The following CSMD2 variants were observed in gnomAD, a reference collection of about 807,000 sequenced individuals.
The protein encoded by CSMD2 is CUB and sushi domain-containing protein 2.
A neutral mutation model predicts 398.5 loss-of-function variants in CSMD2; 130 were observed. That is an observed-to-expected ratio of 0.33 (90% confidence interval 0.28 to 0.38). The LOEUF is 0.38. Among genes scored for constraint, CSMD2 ranks in the 10% least tolerant of loss-of-function variants. The pLI is 1.00. For missense variants in CSMD2, 3,829 were observed against 4,764.9 expected, an observed-to-expected ratio of 0.80 and a Z score of 5.78; for synonymous variants, 1,828 against 1,908.5, an observed-to-expected ratio of 0.96 and a Z score of 1.10.
At chr1:33,847,625 T>C (rs1638364462) in intron 5 of CSMD2, among the ~76,000 whole-genome samples, 1 of 152,122 alleles carries the variant, frequency 6.6e-6, no homozygotes, top group Non-Finnish European at 1.5e-5. Context: ...TCCTTTGTCT[T>C]CCTCTGTGAT....
Position 33,518,060 on chromosome 1 carries a change from T to C in CSMD2, c.*53+1405A>G, listed in dbSNP as rs1653922073. 6.6e-6 allele frequency among the ~76,000 whole-genome samples: 1 copy of C among 152,248 alleles called. No homozygotes were observed. Among genetic ancestry groups the C allele is most frequent in the South Asian group, 2.1e-4 (1 of 4,834 alleles). ...GGGAGCGCAACACTAGCCCTGGGTT[T>C]GGCTGGTGGCCCACTTGGCGGATTT... On this transcript the variant is annotated intron_variant, in intron 70 of 70. Transcript: ENST00000373381. This position sits in a 1 kb window ranked among gnomAD's most constrained non-coding sequence, Gnocchi z 4.3.
At chr1:33,550,060 G>C in intron 56 of CSMD2, 117 bp downstream of exon 56, 2 of 999,472 alleles carry the variant, frequency 2.0e-6, no homozygotes, top group Non-Finnish European at 3.0e-6. Flanking sequence ...TAGATATAAG[G>C]GTTCTGAGGT....
upstream of CSMD2, chr1:34,165,822 G>C (rs755983407): frequency 5.1e-6 from 8 of 1,578,348 alleles, no homozygotes; most frequent in Non-Finnish European, 6.0e-6. Flanking sequence ...ATTCACAATA[G>C]CCTCCTACCC....
chr1:33,864,179 T>C (rs771142964), intron 5 of CSMD2: 1 of 1,579,680 alleles, frequency 6.3e-7, no homozygotes, highest in African/African-American at 1.4e-5. Context: ...AGAAAAAAGG[T>C]GAACTTACGA....
chr1:34,140,495 G>A (rs745696993), intron 1 of CSMD2, among the ~76,000 whole-genome samples: 17 of 152,060 alleles, frequency 1.1e-4, no homozygotes, highest in Non-Finnish European at 2.1e-4. Flanking sequence ...CCAATGCCTC[G>A]GATCCCACTG....
At chr1:33,657,863 G>A (rs74066678) in intron 27 of CSMD2, 83 bp downstream of exon 27, 73 of 1,341,168 alleles carry the variant, frequency 5.4e-5, no homozygotes, top group Middle Eastern at 3.8e-4. Context: ...CCAGGCCCAA[G>A]ATGCAGCTGC....
intron 29 of CSMD2, among the ~76,000 whole-genome samples, chr1:33,639,018 T>C (rs116712699): frequency 0.011 from 1,612 of 152,360 alleles, 35 homozygotes; most frequent in African/African-American, 0.037. Flanking sequence ...CAGTGGATTA[T>C]TGTGGAACTT....
chr1:34,006,208 G>A (rs1442348068), intron 3 of CSMD2, among the ~76,000 whole-genome samples: 1 of 152,188 alleles, frequency 6.6e-6, no homozygotes, highest in African/African-American at 2.4e-5. Flanking sequence ...TCAGTCTAGA[G>A]AACCTTTGAG....
In CSMD2 at chr1:33,819,743, C is replaced by G. The variant is rs747573655; in HGVS notation, c.1294G>C (p.Ala432Pro). ...CAGACTGGCCTGTGGTCGCTCCAGG[C>G]CGCAAACATGTCGCTCACTTTCATA... ...TCMKVSDMFA[A>P]WSDHRPVCRA... The change falls in exon 9 of 71, where the codon GCC becomes CCC. Residue 432 changes from alanine (A) to proline (P), a missense_variant. By Grantham distance (27) the Ala-to-Pro change is conservative. This residue lies in a region of CSMD2 where 2,001 missense variants were observed against 2,567.1 expected (regional missense o/e 0.78). Coordinates refer to ENST00000373381, the MANE Select transcript of CSMD2 (RefSeq NM_001281956.2). The G allele has an allele frequency of 6.2e-7, 1 of 1,613,890 alleles. No homozygotes were observed. Among genetic ancestry groups the G allele is most frequent in the South Asian group, 1.1e-5 (1 of 91,056 alleles).
In CSMD2 at chr1:33,587,116, G is replaced by T; in HGVS notation, c.6909C>A (p.Val2303=). Residue 2303 remains valine (V), a synonymous_variant, in exon 45 of 71, where the codon GTC becomes GTA. Coordinates refer to ENST00000373381, the MANE Select transcript of CSMD2 (RefSeq NM_001281956.2). ...PPPTILPNAE[V]VTENEEFNIG... is the part of the protein sequence containing the mutation. ...TATTGAATTCTTCATTCTCTGTGAC[G>T]ACTTCGGCGTTGGGGAGGATGGTGG... is the stretch of plus-strand genomic sequence containing the variant. 1 of 1,609,636 alleles carries T rather than the reference G, an allele frequency of 6.2e-7. No individual in the cohort carries two copies. Among genetic ancestry groups the T allele is most frequent in the South Asian group, 1.1e-5 (1 of 89,404 alleles).
At chr1:33,599,134 C>G (rs564377187) in intron 44 of CSMD2, 1 of 152,340 alleles carries the variant, frequency 6.6e-6, no homozygotes, top group Non-Finnish European at 1.5e-5. Context: ...GCATTTACAC[C>G]ATAGCAAGGG....
At chr1:33,651,136 G>A (rs559972572) in intron 28 of CSMD2, among the ~76,000 whole-genome samples, 2 of 152,280 alleles carry the variant, frequency 1.3e-5, no homozygotes, top group African/African-American at 4.8e-5. Context: ...AGATCGGCAT[G>A]GGAGGCAAGA....
intron 2 of CSMD2, among the ~76,000 whole-genome samples, chr1:34,039,551 C>T (rs1297914273): frequency 1.3e-5 from 2 of 152,184 alleles, no homozygotes; most frequent in African/African-American, 2.4e-5. Context: ...GAAGACACTG[C>T]CGCTGAAAAG....
At chr1:33,857,537 T>A (rs1243220151) in intron 5 of CSMD2, among the ~76,000 whole-genome samples, 1 of 152,136 alleles carries the variant, frequency 6.6e-6, no homozygotes, top group Non-Finnish European at 1.5e-5. Flanking sequence ...CCTGCTGGCA[T>A]CATTCTCTCT....
chr1:33,572,495 C>A lies in CSMD2; in HGVS notation c.7762+11G>T. The A allele has an allele frequency of 6.4e-7, 1 of 1,573,708 alleles. No individual in the cohort carries two copies. Among genetic ancestry groups the A allele is most frequent in the Non-Finnish European group, 8.7e-7 (1 of 1,153,140 alleles). On this transcript the variant is annotated intron_variant, in intron 50 of 70. Coordinates refer to ENST00000373381, the MANE Select transcript of CSMD2 (RefSeq NM_001281956.2). ...CTTCCTTACACCCGCCTCCATTGCC[C>A]GAGGACTCACGGACACACTGTGGTG... is the stretch of plus-strand genomic sequence containing the variant.
Position 33,633,292 on chromosome 1 carries a change from G to GA in CSMD2, c.5200+129dup, listed in dbSNP as rs1477232687. The GA allele has an allele frequency of 1.3e-5, 9 of 704,246 alleles. No individual in the cohort carries two copies. Among genetic ancestry groups the GA allele is most frequent in the Non-Finnish European group, 2.2e-5 (9 of 404,898 alleles). The allele number at this position is 704,246 out of a possible 1,614,324, so 43.6% of individuals were successfully genotyped here. ...GCTGCTGCGTTGTAGACAAGCACCA[G>GA]AACACGACAGGCACGCAGAGCCGTA... On this transcript the variant is annotated intron_variant, in intron 32 of 70. Coordinates refer to ENST00000373381, the MANE Select transcript of CSMD2 (RefSeq NM_001281956.2). The surrounding 1 kb of genome is among the most constrained non-coding windows in gnomAD (Gnocchi z 5.0).
intron 5 of CSMD2, among the ~76,000 whole-genome samples, chr1:33,895,649 G>T (rs1642335345): frequency 6.6e-6 from 1 of 152,170 alleles, no homozygotes; most frequent in Non-Finnish European, 1.5e-5. Context: ...ACTTGGTGCA[G>T]GGATATGGCT....
At chr1:34,144,968 C>A (rs1217005756) in intron 1 of CSMD2, among the ~76,000 whole-genome samples, 1 of 152,214 alleles carries the variant, frequency 6.6e-6, no homozygotes, top group Non-Finnish European at 1.5e-5. Flanking sequence ...GTCACACTGC[C>A]CTTTGTCCAC....
chr1:33,824,422 A>G (rs1273185193), intron 7 of CSMD2, among the ~76,000 whole-genome samples: 1 of 152,174 alleles, frequency 6.6e-6, no homozygotes, highest in African/African-American at 2.4e-5. Context: ...TGGAGATGCC[A>G]GTTCCTGGCT....
Sources: allele counts gnomAD v4.1 joint callset (sites outside exome capture counted in the v4.1 genomes callset), GRCh38; gene constraint gnomAD v4.1.1; regional missense constraint gnomAD v4.1.1; non-coding constraint Gnocchi (gnomAD v3.1); transcripts MANE v1.5; gene names NCBI Gene and HGNC (gene_info 2026-07-23, HGNC 2026-07-21).